TRIT1: variants seen among roughly 807,000 people sequenced by gnomAD.
TRIT1 encodes tRNA isopentenyltransferase 1, also known as tRNA dimethylallyltransferase.
A neutral mutation model predicts 51.2 loss-of-function variants in TRIT1; 43 were observed. The observed-to-expected ratio is 0.84, with a 90% CI of 0.66 to 1.08. The LOEUF (loss-of-function observed/expected upper bound fraction) is 1.08, where lower values mean the gene tolerates loss of function less well. Among genes scored for constraint, TRIT1 ranks in the 50% least tolerant of loss-of-function variants. The pLI is 0.00. For missense variants in TRIT1, 528 were observed against 578.4 expected, an observed-to-expected ratio of 0.91 and a Z score of 0.89; for synonymous variants, 184 against 203.9, an observed-to-expected ratio of 0.90 and a Z score of 0.83.
At chr1:39,859,260 CAAAAAAAAAAAAAAAAAAAAAAAAA>C (rs3033562) in intron 1 of TRIT1, among the ~76,000 whole-genome samples, 31 of 19,034 alleles carry the variant, frequency 1.6e-3, no homozygotes, top group African/African-American at 4.4e-3. Flanking sequence ...GACTCCGTCT[CAAAAAAAAAAAAAAAAAAAAAAAAA>C]AAAAAAAAAA....
At chr1:39,854,130 A>G (rs1642756356) in intron 2 of TRIT1, 62 bp from the exon 3 acceptor site, 2 of 1,230,604 alleles carry the variant, frequency 1.6e-6, no homozygotes, top group African/African-American at 1.5e-5. Flanking sequence ...GAAGGACACC[A>G]TTAGCAAGAA....
chr1:39,880,101 G>A (rs61781267), intron 1 of TRIT1, among the ~76,000 whole-genome samples: 27,684 of 151,362 alleles, frequency 0.18, 2,680 homozygotes, highest in Non-Finnish European at 0.22. Flanking sequence ...CTGGAATCCT[G>A]GAGGCGGAGG....
rs144463028 is a variant in TRIT1, at chr1:39,857,345, T to G, written c.247A>C (p.Ile83Leu). 5.1e-5 allele frequency: 83 copies of G among 1,614,050 alleles called. No homozygotes were observed. Among genetic ancestry groups the G allele is most frequent in the Non-Finnish European group, 6.7e-5 (79 of 1,180,036 alleles). ...QEQRICRHHM[I>L]SFVDPLVTNY... ...GTCACAAGAGGATCCACAAAGCTGA[T>G]CATGTGGTGCCGGCAGATTCTCTGC... The change falls in exon 2 of 11, where the codon ATC (isoleucine) becomes CTC (leucine). Residue 83 changes from isoleucine to leucine, a missense_variant. Transcript: ENST00000316891.
At chr1:39,861,531 C>G (rs11207004) in intron 1 of TRIT1, among the ~76,000 whole-genome samples, 28,148 of 152,110 alleles carry the variant, frequency 0.19, 2,671 homozygotes, top group East Asian at 0.29. Context: ...GCATTATTCA[C>G]AATAGCCAAA....
intron 2 of TRIT1, among the ~76,000 whole-genome samples, chr1:39,855,013 A>G (rs1642815392): frequency 6.6e-6 from 1 of 152,086 alleles, no homozygotes; most frequent in African/African-American, 2.4e-5. Flanking sequence ...ACATCTGGCT[A>G]ATTTTTGTAT....
intron 1 of TRIT1, among the ~76,000 whole-genome samples, chr1:39,858,750 A>G (rs907385163): frequency 3.3e-5 from 5 of 152,200 alleles, no homozygotes; most frequent in African/African-American, 1.2e-4. Context: ...AAAATAATGT[A>G]AATAAGAGCC....
At chr1:39,855,181 T>A (rs1422305664) in intron 2 of TRIT1, among the ~76,000 whole-genome samples, 1 of 152,132 alleles carries the variant, frequency 6.6e-6, no homozygotes, top group Admixed American at 6.5e-5. Flanking sequence ...AGACTTTCAA[T>A]ATCCAGGTAA....
At chr1:39,879,701 C>T (rs1644185787) in intron 1 of TRIT1, among the ~76,000 whole-genome samples, 2 of 151,138 alleles carry the variant, frequency 1.3e-5, no homozygotes, top group Admixed American at 1.3e-4. Context: ...TGGTGAAACC[C>T]CGACTCTACT....
intron 1 of TRIT1, among the ~76,000 whole-genome samples, chr1:39,871,324 G>A (rs1434162632): frequency 6.6e-6 from 1 of 152,214 alleles, no homozygotes; most frequent in Non-Finnish European, 1.5e-5. Flanking sequence ...CAGGTGCAGT[G>A]GCTCACGCCT....
intron 1 of TRIT1, among the ~76,000 whole-genome samples, chr1:39,869,506 G>A (rs565933282): frequency 6.6e-6 from 1 of 152,338 alleles, no homozygotes; most frequent in East Asian, 1.9e-4. Flanking sequence ...CGAGATTGCA[G>A]CCTCTGCCCG....
At chr1:39,882,293 G>A (rs1425358258) in intron 1 of TRIT1, among the ~76,000 whole-genome samples, 6 of 152,212 alleles carry the variant, frequency 3.9e-5, no homozygotes, top group Admixed American at 3.9e-4. Context: ...ACTAATGAAA[G>A]CAGAAACTAT....
intron 5 of TRIT1, 26 bp from the exon 6 acceptor site, chr1:39,848,123 A>T: frequency 6.3e-7 from 1 of 1,592,086 alleles, no homozygotes; most frequent in Non-Finnish European, 8.6e-7. Context: ...CCCATCAACC[A>T]GCAAGCAAGT....
intron 1 of TRIT1, among the ~76,000 whole-genome samples, chr1:39,875,488 GA>G (rs200256933): frequency 1.7e-4 from 25 of 145,406 alleles, no homozygotes; most frequent in East Asian, 4.0e-4. Flanking sequence ...ACTCTGTCTT[GA>G]AAAAAAAAAA....
chr1:39,862,104 A>G (rs1459906976), intron 1 of TRIT1, among the ~76,000 whole-genome samples: 1 of 152,194 alleles, frequency 6.6e-6, no homozygotes, highest in Non-Finnish European at 1.5e-5. Context: ...GACACAAAGT[A>G]GAATATTAGT....
intron 1 of TRIT1, among the ~76,000 whole-genome samples, chr1:39,863,191 C>T (rs1198302497): frequency 2.0e-5 from 3 of 152,214 alleles, no homozygotes; most frequent in African/African-American, 7.2e-5. Flanking sequence ...CATGGACGGG[C>T]ATGGTGGCTC....
chr1:39,861,868 G>A (rs961173974), intron 1 of TRIT1, among the ~76,000 whole-genome samples: 7 of 150,044 alleles, frequency 4.7e-5, no homozygotes, highest in African/African-American at 1.7e-4. Context: ...AGGTTGCAGT[G>A]AGCTGAGATC....
intron 1 of TRIT1, among the ~76,000 whole-genome samples, chr1:39,862,065 G>T (rs1643283038): frequency 6.6e-6 from 1 of 152,106 alleles, no homozygotes; most frequent in Non-Finnish European, 1.5e-5. Flanking sequence ...TCATGTATAT[G>T]AAGTACCTAG....
At chr1:39,842,150 T>C (rs1302174051) in intron 10 of TRIT1, among the ~76,000 whole-genome samples, 1 of 152,212 alleles carries the variant, frequency 6.6e-6, no homozygotes, top group Non-Finnish European at 1.5e-5. Context: ...GTTAGGTACT[T>C]TACATCACCA....
At chr1:39,854,145 C>T in intron 2 of TRIT1, 77 bp from the exon 3 acceptor site, 1 of 1,076,344 alleles carries the variant, frequency 9.3e-7, no homozygotes, top group Non-Finnish European at 1.4e-6. Context: ...CAAGAAACCA[C>T]ATTCATTTAT....
Sources: gnomAD v4.1 joint callset for allele counts (sites outside exome capture counted in the v4.1 genomes callset) on GRCh38, gnomAD v4.1.1 for gene constraint, MANE v1.5 for transcripts, NCBI Gene and HGNC (gene_info 2026-07-23, HGNC 2026-07-21) for gene names.